POLN: variants seen among roughly 807,000 people sequenced by gnomAD.
POLN encodes DNA polymerase N.
Under a neutral mutation model 113.5 loss-of-function variants are expected in POLN, and 108 were observed. That is an observed-to-expected ratio of 0.95 (90% CI 0.81 to 1.12). The LOEUF is 1.12. Ranked by LOEUF, POLN falls within the 50% of genes most tolerant of loss-of-function variation. The pLI, the probability that POLN is intolerant of heterozygous loss-of-function variation, is 0.00. For synonymous variants in POLN, 386 were observed against 391.5 expected, an observed-to-expected ratio of 0.99 and a Z score of 0.17; for missense variants, 1,097 against 1,077.1, an observed-to-expected ratio of 1.02 and a Z score of -0.26.
At chr4:2,232,081 A>T in intron 2 of POLN, 1 of 1,603,392 alleles carries the variant, frequency 6.2e-7, no homozygotes, top group Non-Finnish European at 8.5e-7. Flanking sequence ...TTTTGTCTTC[A>T]CATCAGCAAG....
chr4:2,225,686 A>C (rs1415774681), intron 3 of POLN, among the ~76,000 whole-genome samples: 1 of 152,178 alleles, frequency 6.6e-6, no homozygotes, highest in Non-Finnish European at 1.5e-5. Flanking sequence ...TGTTGTGGAA[A>C]AAATTTATAA....
chr4:2,134,674 G>T (rs978323344), intron 16 of POLN, among the ~76,000 whole-genome samples: 3 of 152,102 alleles, frequency 2.0e-5, no homozygotes, highest in South Asian at 4.2e-4. Flanking sequence ...CTTTCCTTAA[G>T]GAGGAAACCT....
chr4:2,108,621 C>T (rs1045356489), intron 19 of POLN, among the ~76,000 whole-genome samples: 3 of 152,080 alleles, frequency 2.0e-5, no homozygotes, highest in Non-Finnish European at 2.9e-5. Flanking sequence ...CATGTATTGA[C>T]GCCCATTAAA....
At chr4:2,118,155 C>T (rs1731360682) in intron 19 of POLN, among the ~76,000 whole-genome samples, 2 of 152,196 alleles carry the variant, frequency 1.3e-5, no homozygotes. Context: ...GGGAGAGCCA[C>T]AAACTTTTAC....
At chr4:2,174,410 A>G (rs1200361849) in intron 10 of POLN, among the ~76,000 whole-genome samples, 3 of 152,226 alleles carry the variant, frequency 2.0e-5, no homozygotes, top group African/African-American at 7.2e-5. Context: ...AGAGACAACC[A>G]CTAACACATA....
At chr4:2,130,681 G>T (rs1731706255) in intron 17 of POLN, among the ~76,000 whole-genome samples, 1 of 152,124 alleles carries the variant, frequency 6.6e-6, no homozygotes, top group Non-Finnish European at 1.5e-5. Context: ...GGCTGGTGGG[G>T]GAGAGATGGC....
intron 7 of POLN, among the ~76,000 whole-genome samples, chr4:2,186,843 T>A (rs750992856): frequency 2.0e-5 from 3 of 152,158 alleles, no homozygotes; most frequent in African/African-American, 4.8e-5. Context: ...AATTGCAGTT[T>A]TAAGGAAACT....
chr4:2,227,011 T>G (rs1010834953), intron 3 of POLN, among the ~76,000 whole-genome samples: 2 of 152,184 alleles, frequency 1.3e-5, no homozygotes, highest in Admixed American at 6.5e-5. Context: ...GTGGAAAGAC[T>G]CCAAGGTGGC....
chr4:2,192,698 T>A (rs958094727), intron 7 of POLN, among the ~76,000 whole-genome samples: 5 of 151,946 alleles, frequency 3.3e-5, no homozygotes, highest in Non-Finnish European at 7.4e-5. Flanking sequence ...CCCGGTGCAG[T>A]GGCTCACGCC....
intron 16 of POLN, among the ~76,000 whole-genome samples, chr4:2,149,310 A>G (rs1732231311): frequency 6.6e-6 from 1 of 151,980 alleles, no homozygotes; most frequent in African/African-American, 2.4e-5. Context: ...CAAACAAACA[A>G]ACAAACAAAC....
chr4:2,231,737 T>C, intron 2 of POLN: 1 of 445,350 alleles, frequency 2.2e-6, no homozygotes, highest in Non-Finnish European at 4.0e-6. Flanking sequence ...AAACACATGC[T>C]CAAGTCATAA....
At chr4:2,199,426 A>G (rs1577764664) in intron 5 of POLN, among the ~76,000 whole-genome samples, 1 of 152,316 alleles carries the variant, frequency 6.6e-6, no homozygotes, top group East Asian at 1.9e-4. Flanking sequence ...AACTACACCA[A>G]GAAAAATACA....
intron 9 of POLN, 48 bp downstream of exon 9, chr4:2,176,218 A>G (rs369132571): frequency 4.1e-6 from 6 of 1,476,654 alleles, no homozygotes; most frequent in Non-Finnish European, 4.7e-6. Context: ...ATGAAAAGAC[A>G]TCTCTTGTGA....
intron 2 of POLN, chr4:2,238,535 C>T (rs1734847020): frequency 9.6e-7 from 1 of 1,039,720 alleles, no homozygotes; most frequent in South Asian, 2.9e-5. Context: ...AATTTTAGCT[C>T]AAACTCTCTC....
At chr4:2,160,542 G>A (rs1732554817) in intron 13 of POLN, among the ~76,000 whole-genome samples, 1 of 151,976 alleles carries the variant, frequency 6.6e-6, no homozygotes. Flanking sequence ...CCAAGTAGCT[G>A]GACTACAGGT....
chr4:2,209,479 A>G lies in POLN; in HGVS notation c.214-992T>C, dbSNP rs545500403. 2.6e-3 allele frequency among the ~76,000 whole-genome samples: 334 copies of G among 129,078 alleles called. 1 individual carries two copies. Among genetic ancestry groups the G allele is most frequent in the African/African-American group, 0.011 (317 of 28,478 alleles). 84.7% of individuals were successfully genotyped at this position (129,078 alleles called of 152,430 possible). A position where few individuals can be genotyped will look rare whatever the true frequency, so the allele number is the denominator to read the frequency against. ...GGGCGACAGAGCAAGACTCCGTCTC[A>G]GAAAAAAAAAAAAAAAAAAAAATTA... is the stretch of plus-strand genomic sequence containing the variant. On this transcript the variant is annotated intron_variant, in intron 4 of 25. Transcript: ENST00000511885.
chr4:2,154,590 A>T (rs1732378623), intron 16 of POLN, among the ~76,000 whole-genome samples: 2 of 152,246 alleles, frequency 1.3e-5, no homozygotes, highest in Admixed American at 1.3e-4. Context: ...TAATTTGGCA[A>T]CATAAAGCCT....
intron 16 of POLN, 137 bp from the exon 17 acceptor site, chr4:2,131,427 T>G (rs1418178335): frequency 1.8e-6 from 1 of 549,626 alleles, no homozygotes; most frequent in African/African-American, 2.0e-5. Context: ...ACATTAATAC[T>G]TAATACAGTT....
At chr4:2,113,307 A>C (rs2108713222) in intron 19 of POLN, among the ~76,000 whole-genome samples, 1 of 151,664 alleles carries the variant, frequency 6.6e-6, no homozygotes, top group Middle Eastern at 3.4e-3. Context: ...TAATGGGTGC[A>C]GCACACCAAC....
Sources: gnomAD v4.1 joint callset for allele counts (sites outside exome capture counted in the v4.1 genomes callset) on GRCh38, gnomAD v4.1.1 for gene constraint, MANE v1.5 for transcripts, NCBI Gene and HGNC (gene_info 2026-07-23, HGNC 2026-07-21) for gene names.